COMMD10: variants seen among roughly 807,000 people sequenced by gnomAD.
The protein encoded by COMMD10 is COMM domain containing 10, also known as COMM domain-containing protein 10.
COMMD10 carries 33 observed loss-of-function variants against 28.9 expected under a neutral mutation model. The observed-to-expected ratio is 1.14, with a 90% CI of 0.87 to 1.53. COMMD10 has a LOEUF of 1.53. COMMD10 is among the 40% of genes most tolerant of loss of function. The pLI is 0.00. For missense variants in COMMD10, 310 were observed against 233.4 expected (o/e 1.33, Z -2.14); for synonymous variants, 110 against 81.7 (o/e 1.35, Z -1.87).
At chr5:116,094,586 A>G (rs1750409010) in intron 4 of COMMD10, among the ~76,000 whole-genome samples, 1 of 152,236 alleles carries the variant, frequency 6.6e-6, no homozygotes, top group Admixed American at 6.5e-5. Flanking sequence ...GTATATTAGT[A>G]CAGCCATTAG....
intron 5 of COMMD10, among the ~76,000 whole-genome samples, chr5:116,159,222 T>C (rs2136208): frequency 6.6e-6 from 1 of 152,284 alleles, no homozygotes; most frequent in East Asian, 1.9e-4. Flanking sequence ...TCTAAACTCA[T>C]GCTGCCTATT....
chr5:116,194,793 A>T (rs997116171), intron 5 of COMMD10, among the ~76,000 whole-genome samples: 1 of 152,140 alleles, frequency 6.6e-6, no homozygotes, highest in African/African-American at 2.4e-5. Context: ...ATAAAGAAGG[A>T]GCCCTTCCTA....
At chr5:116,223,286 A>G (rs1425684607) in intron 5 of COMMD10, among the ~76,000 whole-genome samples, 1 of 152,100 alleles carries the variant, frequency 6.6e-6, no homozygotes, top group Non-Finnish European at 1.5e-5. Context: ...TTTATTTAGT[A>G]TTGAGAAGTA....
intron 4 of COMMD10, among the ~76,000 whole-genome samples, chr5:116,129,898 C>T (rs188817662): frequency 6.8e-6 from 1 of 148,118 alleles, no homozygotes; most frequent in Non-Finnish European, 1.5e-5. Flanking sequence ...AATAGTTATC[C>T]TTTCTATATT....
At chr5:116,200,275 G>A (rs1204268478) in intron 5 of COMMD10, among the ~76,000 whole-genome samples, 1 of 151,860 alleles carries the variant, frequency 6.6e-6, no homozygotes, top group Non-Finnish European at 1.5e-5. Context: ...TACTGTTTCT[G>A]AGGAAAAATT....
chr5:116,085,123 C>T (rs748363200), intron 1 of COMMD10, 30 bp downstream of exon 1: 8 of 1,601,186 alleles, frequency 5.0e-6, no homozygotes, highest in Non-Finnish European at 6.0e-6. Flanking sequence ...CTTGCGGTAG[C>T]CGCGCCCAGG....
At chr5:116,160,623 A>G (rs1752885591) in intron 5 of COMMD10, among the ~76,000 whole-genome samples, 1 of 152,124 alleles carries the variant, frequency 6.6e-6, no homozygotes, top group African/African-American at 2.4e-5. Context: ...GCTATCTGTG[A>G]AAGTACAAAG....
chr5:116,116,866 A>G (rs1751257686), intron 4 of COMMD10, among the ~76,000 whole-genome samples: 1 of 152,156 alleles, frequency 6.6e-6, no homozygotes, highest in Non-Finnish European at 1.5e-5. Flanking sequence ...TTTTAATTTA[A>G]TTGTTCAGTC....
chr5:116,236,686 G>C (rs978165560), intron 5 of COMMD10, among the ~76,000 whole-genome samples: 1 of 151,936 alleles, frequency 6.6e-6, no homozygotes, highest in Non-Finnish European at 1.5e-5. Context: ...GGTTGGGGGT[G>C]GGAGATGAGT....
intron 5 of COMMD10, among the ~76,000 whole-genome samples, chr5:116,263,871 C>T (rs968742858): frequency 2.6e-5 from 4 of 151,724 alleles, no homozygotes; most frequent in Non-Finnish European, 4.4e-5. Flanking sequence ...GTACCCCGAC[C>T]ACCTTGGGCA....
At chr5:116,209,108 C>A (rs928935682) in intron 5 of COMMD10, among the ~76,000 whole-genome samples, 16 of 151,896 alleles carry the variant, frequency 1.1e-4, no homozygotes, top group Admixed American at 3.9e-4. Flanking sequence ...TAAAGCGATA[C>A]GTTTAGATCA....
At chr5:116,121,853 T>C (rs1327725697) in intron 4 of COMMD10, among the ~76,000 whole-genome samples, 1 of 152,244 alleles carries the variant, frequency 6.6e-6, no homozygotes, top group African/African-American at 2.4e-5. Context: ...TGTAAATTTG[T>C]TGGAGTTCTT....
intron 5 of COMMD10, among the ~76,000 whole-genome samples, chr5:116,171,053 T>C (rs1354863651): frequency 6.6e-6 from 1 of 152,150 alleles, no homozygotes; most frequent in African/African-American, 2.4e-5. Context: ...AAAGACTAGC[T>C]ACAGAATGAG....
intron 4 of COMMD10, among the ~76,000 whole-genome samples, chr5:116,125,873 A>C (rs1027946991): frequency 6.6e-6 from 1 of 152,188 alleles, no homozygotes; most frequent in Admixed American, 6.6e-5. Context: ...GGCACAAGAC[A>C]GGGATGCCCT....
intron 5 of COMMD10, among the ~76,000 whole-genome samples, chr5:116,170,393 G>C (rs891489362): frequency 2.0e-5 from 3 of 152,138 alleles, no homozygotes; most frequent in African/African-American, 7.2e-5. Context: ...TCAATATCGT[G>C]AAAATGAAAA....
intron 4 of COMMD10, among the ~76,000 whole-genome samples, chr5:116,111,560 T>C (rs1479447002): frequency 6.6e-6 from 1 of 152,212 alleles, no homozygotes; most frequent in African/African-American, 2.4e-5. Flanking sequence ...TTAATTTTTC[T>C]GTATTTGTAT....
intron 5 of COMMD10, among the ~76,000 whole-genome samples, chr5:116,210,525 A>G (rs1748933947): frequency 6.6e-6 from 1 of 152,114 alleles, no homozygotes. Context: ...AAACTGCTCA[A>G]TAAGGGTATA....
At chr5:116,202,189 A>C (rs1020625178) in intron 5 of COMMD10, among the ~76,000 whole-genome samples, 1 of 151,818 alleles carries the variant, frequency 6.6e-6, no homozygotes, top group African/African-American at 2.4e-5. Context: ...TTCCAATTTC[A>C]TCCATGTCCC....
At chr5:116,273,613 A>T (rs1750815851) in intron 5 of COMMD10, among the ~76,000 whole-genome samples, 1 of 151,850 alleles carries the variant, frequency 6.6e-6, no homozygotes, top group Non-Finnish European at 1.5e-5. Context: ...TCTAAACATT[A>T]ACAGATACAA....
Sources: allele counts gnomAD v4.1 joint callset (sites outside exome capture counted in the v4.1 genomes callset), GRCh38; gene constraint gnomAD v4.1.1; transcripts MANE v1.5; gene names NCBI Gene and HGNC (gene_info 2026-07-23, HGNC 2026-07-21).